ZNF730: variants seen among roughly 807,000 people sequenced by gnomAD.
ZNF730 encodes the protein zinc finger protein 730.
A neutral mutation model predicts 12.6 loss-of-function variants in ZNF730; 12 were observed. The observed-to-expected ratio is 0.95, with a 90% confidence interval of 0.61 to 1.54. ZNF730 has a LOEUF of 1.54. Ranked by LOEUF, ZNF730 falls within the 40% of genes most tolerant of loss-of-function variation. ZNF730 has a pLI of 0.00. For missense variants in ZNF730, 643 were observed against 583.5 expected (o/e 1.10, Z -1.05); for synonymous variants, 194 against 195.8 (o/e 0.99, Z 0.08).
upstream of ZNF730, among the ~76,000 whole-genome samples, chr19:23,113,972 G>A (rs1363383671): frequency 1.3e-5 from 2 of 151,776 alleles, no homozygotes; most frequent in African/African-American, 2.4e-5. Context: ...TGTTTACATA[G>A]TAAACTGAAA....
intron 1 of ZNF730, among the ~76,000 whole-genome samples, chr19:23,089,556 A>T (rs1296174023): frequency 6.6e-6 from 1 of 152,050 alleles, no homozygotes; most frequent in Non-Finnish European, 1.5e-5. Context: ...ACAAGATATG[A>T]TGGGTTTATT....
intron 1 of ZNF730, among the ~76,000 whole-genome samples, chr19:23,107,449 CAAAAAAAAA>C (rs57120684): frequency 2.1e-5 from 1 of 47,318 alleles, no homozygotes. Context: ...AAAAAAATAC[CAAAAAAAAA>C]AAAAAAAAAA....
chr19:23,129,120 T>C (rs1404023381), intron 1 of ZNF730, among the ~76,000 whole-genome samples: 1 of 152,134 alleles, frequency 6.6e-6, no homozygotes, highest in East Asian at 1.9e-4. Flanking sequence ...GGCAGAAGTT[T>C]GCAGCAGGGG....
At chr19:23,114,984 C>T (rs544569888), upstream of ZNF730, among the ~76,000 whole-genome samples, 1 of 152,156 alleles carries the variant, frequency 6.6e-6, no homozygotes, top group South Asian at 2.1e-4. Flanking sequence ...TTTACTATGT[C>T]GCCCACGCTG....
At chr19:23,121,705 C>A (rs1970601595) in intron 1 of ZNF730, among the ~76,000 whole-genome samples, 1 of 152,116 alleles carries the variant, frequency 6.6e-6, no homozygotes, top group Non-Finnish European at 1.5e-5. Context: ...TGCTTTTTTT[C>A]ATAAACATTC....
At chr19:23,107,973 C>T (rs1970415160) in intron 1 of ZNF730, among the ~76,000 whole-genome samples, 1 of 152,018 alleles carries the variant, frequency 6.6e-6, no homozygotes, top group Non-Finnish European at 1.5e-5. Context: ...GCAATGATTG[C>T]CAACGCCGAG....
At chr19:23,077,084 A>T (rs1313354597) in intron 1 of ZNF730, among the ~76,000 whole-genome samples, 1 of 152,142 alleles carries the variant, frequency 6.6e-6, no homozygotes, top group Non-Finnish European at 1.5e-5. Flanking sequence ...GTAACACAGG[A>T]ACAGAAAACT....
chr19:23,100,233 C>T (rs1223065483), intron 1 of ZNF730: 3 of 152,160 alleles, frequency 2.0e-5, no homozygotes, highest in African/African-American at 7.2e-5. Flanking sequence ...GCCCAGCACA[C>T]AGTTAATGTC....
At position 23,145,467 on chromosome 19, in the gene ZNF730, T is replaced by C; in HGVS notation, c.423T>C (p.His141=). ...ATAACCAGTGTTTGACAACTTCCCATAGCAAAATATTTCAGTGTGACAAAT... is the reference window on the plus strand; with the variant it reads ...ATAACCAGTGTTTGACAACTTCCCACAGCAAAATATTTCAGTGTGACAAAT... The part of the protein sequence containing the change: ...NRHNQCLTTS[H]SKIFQCDKYV... The change falls in exon 4 of 4, where the codon CAT becomes CAC. Residue 141 remains histidine (H), a synonymous_variant. Transcript: ENST00000597761. 6.4e-7 allele frequency: 1 copy of C among 1,569,844 alleles called. No individual in the cohort carries two copies. The highest frequency in any genetic ancestry group is 8.6e-7 in the Non-Finnish European group (1 of 1,158,864).
chr19:23,126,997 G>T, intron 1 of ZNF730: 3 of 504,522 alleles, frequency 5.9e-6, no homozygotes, highest in South Asian at 4.6e-5. Context: ...GAAACTTTGA[G>T]AAAAAACTTG....
chr19:23,077,424 C>CTTTTTTTTT (rs71163442), intron 1 of ZNF730, among the ~76,000 whole-genome samples: 8 of 45,566 alleles, frequency 1.8e-4, no homozygotes, highest in African/African-American at 6.2e-4. Context: ...TCCCTAAGAG[C>CTTTTTTTTT]TTTTTTTTTT....
rs1308295913 is a variant in ZNF730 at position 23,146,464 on chromosome 19, C to A, written c.1420C>A (p.His474Asn). ...SSTLTTHKII[H>N]SGEKIYKCKE... ...AACCCTCACTACACATAAGATAATT[C>A]ATTCTGGGGAAAAAATCTACAAATG... Residue 474 changes from histidine to asparagine, a missense_variant, in exon 4 of 4, where the codon CAT becomes AAT. His to Asn is a moderately conservative substitution (Grantham distance 68). Transcript: ENST00000597761. 1.2e-6 allele frequency: 2 copies of A among 1,609,174 alleles called. No individual in the cohort carries two copies. Among genetic ancestry groups the A allele is most frequent in the Admixed American group, 1.7e-5 (1 of 59,472 alleles).
intron 2 of ZNF730, 110 bp downstream of exon 2, chr19:23,134,316 T>G (rs929739856): frequency 3.9e-6 from 4 of 1,027,302 alleles, no homozygotes; most frequent in Non-Finnish European, 5.4e-6. Flanking sequence ...CTTTTTCTTT[T>G]TTTTTTTAAG....
chr19:23,091,635 T>C (rs549279076), intron 1 of ZNF730, among the ~76,000 whole-genome samples: 1 of 152,334 alleles, frequency 6.6e-6, no homozygotes, highest in East Asian at 1.9e-4. Flanking sequence ...ATTTTGGAGC[T>C]TTAAAATTTG....
chr19:23,078,041 C>T (rs534583350), intron 1 of ZNF730, among the ~76,000 whole-genome samples: 15 of 152,226 alleles, frequency 9.9e-5, no homozygotes, highest in African/African-American at 2.4e-4. Flanking sequence ...TGCTGAAGGC[C>T]GCAGGGACCT....
At position 23,146,204 on chromosome 19, in the gene ZNF730, A is replaced by C. The variant is rs1225900315; in HGVS notation, c.1160A>C (p.Lys387Thr). 6.2e-7 allele frequency: 1 copy of C among 1,610,488 alleles called. No homozygotes were observed. The highest frequency in any genetic ancestry group is 2.2e-5 in the East Asian group (1 of 44,780). ...CAATCCTCAACTCTTACTATACATA[A>C]GATAATTCATACTGTAGAGAAATTT... ...FNQSSTLTIH[K>T]IIHTVEKFYK... Residue 387 changes from lysine (K) to threonine (T), a missense_variant, in exon 4 of 4, where the codon AAG becomes ACG. Physicochemically the swap from Lys to Thr is moderately conservative, Grantham distance 78. Transcript: ENST00000597761.
chr19:23,127,791 A>C (rs1395163790), intron 1 of ZNF730: 2 of 756,996 alleles, frequency 2.6e-6, no homozygotes, highest in African/African-American at 3.5e-5. Flanking sequence ...CAGGTCTTCC[A>C]TCCTGGCTGC....
In ZNF730 at chr19:23,134,217, C is replaced by T. The variant is rs1970788291; in HGVS notation, c.130+11C>T. The T allele has an allele frequency of 1.3e-6, 2 of 1,589,598 alleles. No individual in the cohort carries two copies. The highest frequency in any genetic ancestry group is 1.7e-6 in the Non-Finnish European group (2 of 1,167,646). On this transcript the variant is annotated intron_variant, in intron 2 of 3. Coordinates refer to ENST00000597761, the MANE Select transcript of ZNF730 (RefSeq NM_001277403.2). ...ACCTGGTCTTCCTGGGTGAGGATAA[C>T]TTTAATATACAATTCCTAATATACC...
At chr19:23,107,449 C>CAAAAAAAAAAAACAAAAAAAAAAA (rs1970406706) in intron 1 of ZNF730, among the ~76,000 whole-genome samples, 1 of 47,318 alleles carries the variant, frequency 2.1e-5, no homozygotes, top group African/African-American at 8.5e-5. Context: ...AAAAAAATAC[C>CAAAAAAAAAAAACAAAAAAAAAAA]AAAAAAAAAA....
Sources: allele counts gnomAD v4.1 joint callset (sites outside exome capture counted in the v4.1 genomes callset), GRCh38; gene constraint gnomAD v4.1.1; transcripts MANE v1.5; gene names NCBI Gene and HGNC (gene_info 2026-07-23, HGNC 2026-07-21).